The following DPP10 variants were observed in gnomAD, a reference collection of about 807,000 sequenced individuals.
DPP10 encodes dipeptidyl peptidase like 10, also known as inactive dipeptidyl peptidase 10.
DPP10 carries 33 observed loss-of-function variants against 120.9 expected under a neutral mutation model. That is an observed-to-expected ratio of 0.27 (90% CI 0.21 to 0.37). The LOEUF is 0.37. DPP10 is among the 10% of genes least tolerant of loss of function. DPP10 has a pLI of 1.00. For missense variants in DPP10, 816 were observed against 942.8 expected, an observed-to-expected ratio of 0.87 and a Z score of 1.76; for synonymous variants, 337 against 326.1, an observed-to-expected ratio of 1.03 and a Z score of -0.36.
chr2:115,309,158 C>T, intron 1 of DPP10, 81 bp from the exon 2 acceptor site: 4 of 1,031,180 alleles, frequency 3.9e-6, no homozygotes, highest in South Asian at 1.4e-5. Flanking sequence ...TGTGATTGTG[C>T]CATGCACTGA....
At chr2:114,460,975 A>T (rs1678878806) in intron 1 of DPP10, among the ~76,000 whole-genome samples, 1 of 152,174 alleles carries the variant, frequency 6.6e-6, no homozygotes, top group Non-Finnish European at 1.5e-5. Context: ...CATGACTATG[A>T]TGTGTTTTAT....
At chr2:115,173,670 C>T (rs1056067143) in intron 1 of DPP10, among the ~76,000 whole-genome samples, 6 of 152,066 alleles carry the variant, frequency 3.9e-5, no homozygotes, top group African/African-American at 9.7e-5. Flanking sequence ...AAATTGCCAG[C>T]GTAAAATCTG....
intron 1 of DPP10, among the ~76,000 whole-genome samples, chr2:114,869,455 A>C (rs1690509697): frequency 6.6e-6 from 1 of 152,128 alleles, no homozygotes; most frequent in Non-Finnish European, 1.5e-5. Context: ...GATATCAAGG[A>C]TTCATTGTGA....
intron 1 of DPP10, among the ~76,000 whole-genome samples, chr2:114,731,953 A>T (rs1676961266): frequency 6.6e-6 from 1 of 152,190 alleles, no homozygotes; most frequent in Non-Finnish European, 1.5e-5. Context: ...GTCAATTGTT[A>T]TCTATTTTTC....
intron 1 of DPP10, among the ~76,000 whole-genome samples, chr2:114,661,715 A>G (rs1697418236): frequency 6.6e-6 from 1 of 152,202 alleles, no homozygotes; most frequent in South Asian, 2.1e-4. Flanking sequence ...AGTAAGAAAC[A>G]GGGCATTTAT....
At chr2:115,012,397 C>A (rs966271837) in intron 1 of DPP10, among the ~76,000 whole-genome samples, 12 of 152,218 alleles carry the variant, frequency 7.9e-5, no homozygotes, top group African/African-American at 2.9e-4. Context: ...GCACATTAAA[C>A]AAAAACACAA....
chr2:115,149,132 T>A (rs1258595552), intron 1 of DPP10, among the ~76,000 whole-genome samples: 3 of 152,136 alleles, frequency 2.0e-5, no homozygotes, highest in African/African-American at 7.2e-5. Context: ...TTCTCTGCAT[T>A]TCCAGCAAGT....
intron 1 of DPP10, among the ~76,000 whole-genome samples, chr2:114,697,308 T>C (rs1169174790): frequency 2.0e-5 from 3 of 152,056 alleles, no homozygotes; most frequent in Non-Finnish European, 4.4e-5. Flanking sequence ...CCAATCACAT[T>C]GATGGGAAAG....
At chr2:114,778,245 G>T (rs746833883) in intron 1 of DPP10, among the ~76,000 whole-genome samples, 1 of 152,000 alleles carries the variant, frequency 6.6e-6, no homozygotes, top group Admixed American at 6.6e-5. Context: ...GGTCAAGAAG[G>T]TTATTTCAAA....
At chr2:114,615,634 C>A (rs1693617315) in intron 1 of DPP10, among the ~76,000 whole-genome samples, 1 of 152,092 alleles carries the variant, frequency 6.6e-6, no homozygotes, top group East Asian at 1.9e-4. Flanking sequence ...GGTTCTATTC[C>A]CTACTCTATG....
intron 19 of DPP10, among the ~76,000 whole-genome samples, chr2:115,801,025 C>A (rs1445681502): frequency 6.6e-6 from 1 of 152,120 alleles, no homozygotes; most frequent in African/African-American, 2.4e-5. Context: ...TTACCTTGGG[C>A]AGTATGGCCA....
In DPP10 at chr2:114,924,953, A is replaced by T. The variant is rs533419319; in HGVS notation, c.61-384286A>T. On this transcript the variant is annotated intron_variant, in intron 1 of 25. Coordinates refer to ENST00000410059, the MANE Select transcript of DPP10 (RefSeq NM_020868.6). ...TTGGCTGGGCACGGTGGCTCACGCC[A>T]GTAATCCCAGCACTTTGGGAGGCCG... Among the ~76,000 whole-genome samples the T allele has an allele frequency of 7.9e-5, 12 of 152,176 alleles. No individual in the cohort carries two copies. In the East Asian group the frequency reaches 1.4e-3, roughly 17 times the overall value.
chr2:114,788,573 G>A (rs1204770381), intron 1 of DPP10, among the ~76,000 whole-genome samples: 8 of 151,832 alleles, frequency 5.3e-5, no homozygotes, highest in Non-Finnish European at 2.9e-5. Context: ...CCACCACCAC[G>A]CCCGGCTAAT....
In DPP10 at chr2:115,535,613, T is replaced by G. The variant is rs532931653; in HGVS notation, c.441+9641T>G. ...TGATGCGGGCTCTTTTTTGGTTCCA[T>G]ATGAACTTTAAAGTAGTTTTTTCCA... On this transcript the variant is annotated intron_variant, in intron 5 of 25. Transcript: ENST00000410059. Among the ~76,000 whole-genome samples, 1,116 of 150,440 alleles carry G rather than the reference T, an allele frequency of 7.4e-3. 8 individuals are homozygous for G. Among genetic ancestry groups the G allele is most frequent in the Non-Finnish European group, 0.012 (790 of 67,256 alleles).
At chr2:115,360,960 C>T (rs1212793603) in intron 3 of DPP10, among the ~76,000 whole-genome samples, 9 of 152,088 alleles carry the variant, frequency 5.9e-5, no homozygotes, top group African/African-American at 2.2e-4. Context: ...GACTTCCCAG[C>T]TTGTGCTTGA....
At chr2:114,971,463 T>A (rs929895296) in intron 1 of DPP10, among the ~76,000 whole-genome samples, 2 of 152,202 alleles carry the variant, frequency 1.3e-5, no homozygotes, top group Non-Finnish European at 2.9e-5. Context: ...CATAAAACTT[T>A]CTTTCTATTA....
At chr2:115,027,762 A>G (rs988546585) in intron 1 of DPP10, among the ~76,000 whole-genome samples, 9 of 152,022 alleles carry the variant, frequency 5.9e-5, no homozygotes, top group African/African-American at 2.2e-4. Flanking sequence ...TTGATGAGAG[A>G]CTTTTTATTA....
chr2:114,859,644 C>T (rs1689655037), intron 1 of DPP10, among the ~76,000 whole-genome samples: 1 of 152,178 alleles, frequency 6.6e-6, no homozygotes, highest in Non-Finnish European at 1.5e-5. Context: ...TCCCACAGTA[C>T]ACAAATATGC....
At chr2:115,676,950 C>T (rs1345891864) in intron 5 of DPP10, among the ~76,000 whole-genome samples, 2 of 152,060 alleles carry the variant, frequency 1.3e-5, no homozygotes, top group African/African-American at 4.8e-5. Flanking sequence ...ATCAAGACAC[C>T]TATGAGGAAA....
Sources: allele counts gnomAD v4.1 joint callset (sites outside exome capture counted in the v4.1 genomes callset), GRCh38; gene constraint gnomAD v4.1.1; transcripts MANE v1.5; gene names NCBI Gene and HGNC (gene_info 2026-07-23, HGNC 2026-07-21).